The following TARBP1 variants were observed in gnomAD, a reference collection of about 807,000 sequenced individuals.
The protein encoded by TARBP1 is tRNA guanosine 2 -O-methyltransferase TARBP1, also known as tRNA (guanosine(18)-2'-O)-methyltransferase TARBP1.
Under a neutral mutation model 178.6 loss-of-function variants are expected in TARBP1, and 144 were observed. The ratio of observed to expected loss-of-function variants is 0.81; its 90% CI spans 0.70 to 0.93. The LOEUF (loss-of-function observed/expected upper bound fraction) is 0.93, where lower values mean the gene tolerates loss of function less well. TARBP1 is among the 40% of genes least tolerant of loss of function. TARBP1 has a pLI of 0.00. For synonymous variants in TARBP1, 787 were observed against 781.0 expected, an observed-to-expected ratio of 1.01 and a Z score of -0.13; for missense variants, 2,067 against 2,011.7, an observed-to-expected ratio of 1.03 and a Z score of -0.53.
Position 234,446,794 on chromosome 1 carries a change from T to A in TARBP1, c.2134+9A>T, listed in dbSNP as rs759331532. 1 of 1,612,804 alleles carries A rather than the reference T, an allele frequency of 6.2e-7. No homozygotes were observed. The highest frequency in any genetic ancestry group is 8.5e-7 in the Non-Finnish European group (1 of 1,179,570). The stretch of plus-strand genomic sequence containing the variant: ...AAGCAAGATACCAAGAGAAACAACT[T>A]ATCCTCACCATCTTGGGCACTGGAA... On this transcript the variant is annotated intron_variant, in intron 12 of 29. Transcript: ENST00000040877.
intron 15 of TARBP1, 89 bp downstream of exon 15, chr1:234,429,998 T>G (rs1664250985): frequency 3.8e-6 from 5 of 1,311,010 alleles, no homozygotes; most frequent in Admixed American, 2.2e-5. Flanking sequence ...AGCCCCAAAA[T>G]TCTATAACTT....
chr1:234,462,935 CA>C (rs1442874325), intron 6 of TARBP1, among the ~76,000 whole-genome samples: 1 of 152,120 alleles, frequency 6.6e-6, no homozygotes, highest in Non-Finnish European at 1.5e-5. Context: ...GCTCACTTTA[CA>C]AATCACAAAG....
intron 5 of TARBP1, 139 bp from the exon 6 acceptor site, chr1:234,464,073 T>C: frequency 6.5e-6 from 3 of 463,988 alleles, no homozygotes; most frequent in Admixed American, 4.3e-5. Flanking sequence ...TGAACCTGCA[T>C]TTCATTTTTC....
At position 234,478,178 on chromosome 1, in the gene TARBP1, C is replaced by T. The variant is rs1328818530; in HGVS notation, c.926G>A (p.Gly309Glu). ...GADCTCGPQE[G>E]NGPSLFWWSE... ...GGGGGCAAAGAGGCAGGTACCGTTTCCTTCCTGGGGCCCGCAGGTGCAGTC... is the reference window on the plus strand; with the variant it reads ...GGGGGCAAAGAGGCAGGTACCGTTTTCTTCCTGGGGCCCGCAGGTGCAGTC... Residue 309 changes from glycine (G) to glutamate (E), a missense_variant, in exon 1 of 30, where the codon GGA (glycine) becomes GAA (glutamate). Physicochemically the swap from Gly to Glu is moderately conservative, Grantham distance 98. Transcript: ENST00000040877. 6.2e-7 allele frequency: 1 copy of T among 1,611,818 alleles called. No homozygotes were observed. Among genetic ancestry groups the T allele is most frequent in the South Asian group, 1.1e-5 (1 of 90,924 alleles).
intron 25 of TARBP1, 75 bp downstream of exon 25, chr1:234,401,106 C>G (rs1660630294): frequency 1.6e-6 from 2 of 1,262,550 alleles, no homozygotes; most frequent in African/African-American, 1.5e-5. Context: ...AATCACAACC[C>G]TTCAACAAAA....
chr1:234,415,227 G>C (rs1419931448), intron 22 of TARBP1, among the ~76,000 whole-genome samples: 1 of 152,138 alleles, frequency 6.6e-6, no homozygotes, highest in African/African-American at 2.4e-5. Context: ...ACAAATGCCT[G>C]AGAAGACAGG....
At position 234,437,042 on chromosome 1, in the gene TARBP1, A is replaced by C. The variant is rs77629267; in HGVS notation, c.2232+233T>G. On this transcript the variant is annotated intron_variant, in intron 13 of 29. Coordinates refer to ENST00000040877, the MANE Select transcript of TARBP1 (RefSeq NM_005646.4). ...GAAACTCTCCAAATCCTTGGATGTA[A>C]ATGGGGTGAGGCTCAGAAGATCTAT... is the stretch of plus-strand genomic sequence containing the variant. Among the ~76,000 whole-genome samples the C allele has an allele frequency of 1.5e-4, 23 of 152,306 alleles. No homozygotes were observed. The East Asian group carries it at 4.0e-3, about 27-fold the overall frequency.
intron 8 of TARBP1, among the ~76,000 whole-genome samples, chr1:234,458,658 G>A (rs549035661): frequency 6.6e-6 from 1 of 152,248 alleles, no homozygotes; most frequent in East Asian, 1.9e-4. Context: ...TATTTACTGA[G>A]GCTTTGTAAA....
chr1:234,408,717 C>T (rs1248524534), intron 23 of TARBP1, among the ~76,000 whole-genome samples: 1 of 152,130 alleles, frequency 6.6e-6, no homozygotes, highest in Non-Finnish European at 1.5e-5. Flanking sequence ...TCCGACCCAA[C>T]CAATCAACAC....
chr1:234,430,268 C>A lies in TARBP1; in HGVS notation c.2428G>T (p.Val810Leu), dbSNP rs568511493. 1 of 1,614,066 alleles carries A rather than the reference C, an allele frequency of 6.2e-7. No homozygotes were observed. The highest frequency in any genetic ancestry group is 1.7e-5 in the Admixed American group (1 of 60,016). The change falls in exon 15 of 30, where the codon GTG (valine) becomes TTG (leucine). Residue 810 changes from valine (V) to leucine (L), a missense_variant. Val to Leu is a conservative substitution (Grantham distance 32). Coordinates refer to ENST00000040877, the MANE Select transcript of TARBP1 (RefSeq NM_005646.4). The part of the protein sequence containing the change: ...PTVGSQIQRV[V>L]SMAALAMVCE... ...ACCATGGCCAAGGCAGCCATGCTCA[C>A]TACTCTCTGAATCTGACTTCCAACT...
chr1:234,443,798 G>A (rs1665853959), intron 12 of TARBP1, among the ~76,000 whole-genome samples: 1 of 152,192 alleles, frequency 6.6e-6, no homozygotes, highest in Admixed American at 6.5e-5. Flanking sequence ...CATGATACAT[G>A]CTACAACATG....
chr1:234,477,547 C>A (rs974279533), intron 1 of TARBP1, among the ~76,000 whole-genome samples: 1 of 152,200 alleles, frequency 6.6e-6, no homozygotes, highest in East Asian at 1.9e-4. Flanking sequence ...TGAAGGGAGG[C>A]CTTGCTGTTT....
chr1:234,431,655 T>C (rs1279441097), intron 14 of TARBP1, among the ~76,000 whole-genome samples: 2 of 152,234 alleles, frequency 1.3e-5, no homozygotes, highest in African/African-American at 4.8e-5. Flanking sequence ...TTCTAAAGAC[T>C]TAACATGAAT....
intron 5 of TARBP1, 60 bp from the exon 6 acceptor site, chr1:234,463,994 A>G (rs1281834661): frequency 9.0e-7 from 1 of 1,116,910 alleles, no homozygotes; most frequent in Non-Finnish European, 1.2e-6. Context: ...GATTACACTA[A>G]AACTAGCCTA....
chr1:234,404,676 C>T (rs1228620406), intron 24 of TARBP1, among the ~76,000 whole-genome samples: 2 of 152,164 alleles, frequency 1.3e-5, no homozygotes, highest in East Asian at 3.9e-4. Context: ...GAAGGTCATT[C>T]TCCAGTATAC....
intron 14 of TARBP1, 45 bp downstream of exon 14, chr1:234,433,365 T>G (rs1321883330): frequency 6.4e-7 from 1 of 1,572,824 alleles, no homozygotes; most frequent in Non-Finnish European, 8.7e-7. Context: ...ATTCCCTGTA[T>G]GCCTTATTCA....
At chr1:234,454,545 G>A (rs1243308418) in intron 9 of TARBP1, among the ~76,000 whole-genome samples, 8 of 152,032 alleles carry the variant, frequency 5.3e-5, no homozygotes, top group Non-Finnish European at 1.2e-4. Context: ...GTACATGAGA[G>A]TTCATTATAC....
In TARBP1 at chr1:234,463,874, T is replaced by C; in HGVS notation, c.1362A>G (p.Leu454=). 6.3e-7 allele frequency: 1 copy of C among 1,598,044 alleles called. No homozygotes were observed. Among genetic ancestry groups the C allele is most frequent in the Non-Finnish European group, 8.5e-7 (1 of 1,172,036 alleles). Residue 454 remains leucine, a synonymous_variant, in exon 6 of 30, where the codon TTA becomes TTG. Transcript: ENST00000040877. ...CTGGAAGAAGAGAAATATAAGTGAC[T>C]AAAAACTTCTGTAATTTCAGTCCCA... The part of the protein sequence containing the change: ...SPLGLKLQKF[L]VTYISLLPEE...
chr1:234,406,112 G>A lies in TARBP1; in HGVS notation c.3793-13C>T, dbSNP rs1448184228. ...TCAGAATTAGTTTCTGAAAAGAAAG[G>A]CAAAAAATTCCTCAAAACACAGACA... On this transcript the variant is annotated splice_polypyrimidine_tract_variant and intron_variant, in intron 23 of 29. Transcript: ENST00000040877. 1.2e-6 allele frequency: 2 copies of A among 1,610,556 alleles called. No individual in the cohort carries two copies. The highest frequency in any genetic ancestry group is 1.7e-5 in the Admixed American group (1 of 59,154).
Sources: allele counts gnomAD v4.1 joint callset (sites outside exome capture counted in the v4.1 genomes callset), GRCh38; gene constraint gnomAD v4.1.1; transcripts MANE v1.5; gene names NCBI Gene and HGNC (gene_info 2026-07-23, HGNC 2026-07-21).